The following NDST4 variants were observed in gnomAD, a reference collection of about 807,000 sequenced individuals.
The protein encoded by NDST4 is N-heparan sulfate sulfotransferase 4.
NDST4 carries 63 observed loss-of-function variants against 100.8 expected under a neutral mutation model. The ratio of observed to expected loss-of-function variants is 0.62; its 90% confidence interval spans 0.51 to 0.77. The LOEUF is 0.77. Among genes scored for constraint, NDST4 ranks in the 30% least tolerant of loss-of-function variants. The pLI, the probability that NDST4 is intolerant of heterozygous loss-of-function variation, is 0.00. For synonymous variants in NDST4, 377 were observed against 361.8 expected, an observed-to-expected ratio of 1.04 and a Z score of -0.48; for missense variants, 943 against 1,018.4, an observed-to-expected ratio of 0.93 and a Z score of 1.01.
At chr4:114,972,355 G>A (rs896396927) in intron 3 of NDST4, among the ~76,000 whole-genome samples, 12 of 151,924 alleles carry the variant, frequency 7.9e-5, no homozygotes, top group Non-Finnish European at 1.6e-4. Flanking sequence ...GGACCTTCAG[G>A]TTTAATTAGG....
Position 115,043,276 on chromosome 4 carries a change from T to C in NDST4, c.978+32783A>G, listed in dbSNP as rs924996188. ...TATGTCTCAAGAGTTGGCAGAAGTA[T>C]TATAAAAAAATTTTAATATAAGCTA... On this transcript the variant is annotated intron_variant, in intron 2 of 13. Coordinates refer to ENST00000264363, the MANE Select transcript of NDST4 (RefSeq NM_022569.3). Among the ~76,000 whole-genome samples, 4 of 152,214 alleles carry C rather than the reference T, an allele frequency of 2.6e-5. No individual in the cohort carries two copies. In the South Asian group the frequency reaches 8.3e-4, roughly 32 times the overall value.
Position 115,010,236 on chromosome 4 carries a change from C to G in NDST4, c.979-32962G>C, listed in dbSNP as rs1288986879. Among the ~76,000 whole-genome samples the G allele has an allele frequency of 4.0e-5, 5 of 124,822 alleles. 2 individuals carry two copies. In the South Asian group the frequency reaches 1.6e-3, roughly 39 times the overall value. 81.9% of individuals were successfully genotyped at this position (124,822 alleles called of 152,430 possible). Reference sequence around the variant, plus strand: ...ATGCTGCTATAAAGACACATGCACACGTATGTTTATTGCGGCGCTATTCAC... The same window carrying G: ...ATGCTGCTATAAAGACACATGCACAGGTATGTTTATTGCGGCGCTATTCAC... On this transcript the variant is annotated intron_variant, in intron 2 of 13. Coordinates refer to ENST00000264363, the MANE Select transcript of NDST4 (RefSeq NM_022569.3).
intron 9 of NDST4, among the ~76,000 whole-genome samples, chr4:114,847,375 CAAAAAAAAAAAAAAAAAAAAA>C (rs57987259): frequency 2.9e-3 from 53 of 18,236 alleles, no homozygotes; most frequent in African/African-American, 9.6e-3. Flanking sequence ...GACTCCGTCT[CAAAAAAAAAAAAAAAAAAAAA>C]AAAAAAAAAA....
At chr4:115,092,582 T>C (rs1729541254) in intron 1 of NDST4, among the ~76,000 whole-genome samples, 1 of 152,040 alleles carries the variant, frequency 6.6e-6, no homozygotes, top group Non-Finnish European at 1.5e-5. Context: ...ATAAAAGTAC[T>C]AAGGGAATAA....
chr4:114,927,183 TATA>T (rs1027513586), intron 6 of NDST4, among the ~76,000 whole-genome samples: 18 of 151,664 alleles, frequency 1.2e-4, no homozygotes, highest in Non-Finnish European at 2.4e-4. Flanking sequence ...GATCCAAATT[TATA>T]ATGCTTGTAG....
At position 114,971,988 on chromosome 4, in the gene NDST4, C is replaced by G. The variant is rs76993286; in HGVS notation, c.1067-1404G>C. 7.7e-3 allele frequency among the ~76,000 whole-genome samples: 1,162 copies of G among 151,298 alleles called. 17 individuals carry two copies. Among genetic ancestry groups the G allele is most frequent in the African/African-American group, 0.027 (1,099 of 41,120 alleles). On this transcript the variant is annotated intron_variant, in intron 3 of 13. Coordinates refer to ENST00000264363, the MANE Select transcript of NDST4 (RefSeq NM_022569.3). ...TTGATGAGATTAATTTATTAAAGCA[C>G]TTAATATTGCTACTTGCAAGTAGTA... is the stretch of plus-strand genomic sequence containing the variant.
At chr4:115,019,048 C>A (rs1269600504) in intron 2 of NDST4, among the ~76,000 whole-genome samples, 1 of 151,864 alleles carries the variant, frequency 6.6e-6, no homozygotes, top group African/African-American at 2.4e-5. Context: ...TTTTATAATT[C>A]TAAATTTTCA....
intron 6 of NDST4, among the ~76,000 whole-genome samples, chr4:114,928,163 A>T (rs748622855): frequency 2.6e-5 from 4 of 152,224 alleles, no homozygotes; most frequent in Non-Finnish European, 5.9e-5. Context: ...GGTGAAAGAT[A>T]TGAAAATATT....
At chr4:115,043,745 G>T (rs1052569062) in intron 2 of NDST4, among the ~76,000 whole-genome samples, 9 of 151,968 alleles carry the variant, frequency 5.9e-5, no homozygotes, top group Non-Finnish European at 1.3e-4. Context: ...TTATTATTTT[G>T]ATTTAAATAA....
chr4:114,872,001 T>A (rs1345680743), intron 6 of NDST4, among the ~76,000 whole-genome samples: 8 of 152,016 alleles, frequency 5.3e-5, no homozygotes, highest in Non-Finnish European at 2.9e-5. Flanking sequence ...AAAAGTCAAG[T>A]GTCTCATGGC....
intron 2 of NDST4, among the ~76,000 whole-genome samples, chr4:115,004,288 C>T (rs754605001): frequency 1.6e-4 from 24 of 152,162 alleles, no homozygotes; most frequent in Non-Finnish European, 5.9e-5. Flanking sequence ...ATTATTAACA[C>T]TTACTTGGCT....
At chr4:115,034,078 C>T (rs1270058263) in intron 2 of NDST4, among the ~76,000 whole-genome samples, 1 of 152,076 alleles carries the variant, frequency 6.6e-6, no homozygotes, top group African/African-American at 2.4e-5. Context: ...CACTTTGCTC[C>T]AGAGGATAAG....
intron 8 of NDST4, among the ~76,000 whole-genome samples, chr4:114,851,038 G>A (rs1033693135): frequency 3.9e-5 from 6 of 152,226 alleles, no homozygotes; most frequent in South Asian, 2.1e-4. Context: ...GAAATATCAC[G>A]TCTTTCCATT....
intron 1 of NDST4, among the ~76,000 whole-genome samples, chr4:115,097,098 T>A (rs1356534687): frequency 6.6e-6 from 1 of 152,094 alleles, no homozygotes; most frequent in East Asian, 1.9e-4. Context: ...ACCTTCTAAA[T>A]GTGAAGTTCC....
chr4:115,062,686 G>A (rs28509283), intron 2 of NDST4, among the ~76,000 whole-genome samples: 4 of 151,416 alleles, frequency 2.6e-5, no homozygotes, highest in African/African-American at 4.8e-5. Flanking sequence ...AAGGCATACA[G>A]AGTATGCAAA....
intron 7 of NDST4, among the ~76,000 whole-genome samples, chr4:114,860,911 C>A (rs1723905664): frequency 6.6e-6 from 1 of 152,262 alleles, no homozygotes; most frequent in South Asian, 2.1e-4. Context: ...AACTGGTATG[C>A]TTAGTGATAT....
At chr4:114,841,255 C>T (rs1478697735) in intron 10 of NDST4, among the ~76,000 whole-genome samples, 1 of 152,130 alleles carries the variant, frequency 6.6e-6, no homozygotes, top group Non-Finnish European at 1.5e-5. Context: ...AGCTCCTCTG[C>T]GAGGTCCGTT....
intron 1 of NDST4, among the ~76,000 whole-genome samples, chr4:115,082,317 C>T (rs927205256): frequency 1.3e-5 from 2 of 152,062 alleles, no homozygotes; most frequent in Non-Finnish European, 2.9e-5. Context: ...TTTAGAGATT[C>T]TCTAAAATAC....
intron 5 of NDST4, among the ~76,000 whole-genome samples, chr4:114,935,655 C>T (rs1441669007): frequency 1.3e-5 from 2 of 152,164 alleles, no homozygotes; most frequent in Admixed American, 1.3e-4. Flanking sequence ...GATGGAAATT[C>T]TCCAAGGTTC....
Sources: allele counts gnomAD v4.1 joint callset (sites outside exome capture counted in the v4.1 genomes callset), GRCh38; gene constraint gnomAD v4.1.1; transcripts MANE v1.5; gene names NCBI Gene and HGNC (gene_info 2026-07-23, HGNC 2026-07-21).